Variants in CUX2 observed in about 807,000 individuals in gnomAD.
CUX2 encodes homeobox protein cut-like 2.
CUX2 carries 40 observed loss-of-function variants against 144.8 expected under a neutral mutation model. The observed-to-expected ratio is 0.28, with a 90% CI of 0.21 to 0.36. The LOEUF is 0.36. Among genes scored for constraint, CUX2 ranks in the 10% least tolerant of loss-of-function variants. CUX2 has a pLI of 1.00. For missense variants in CUX2, 1,615 were observed against 1,994.0 expected (o/e 0.81, Z 3.62); for synonymous variants, 827 against 875.6 (o/e 0.94, Z 0.98).
At position 111,070,403 on chromosome 12, in the gene CUX2, TC is replaced by T. The variant is rs1235985042; in HGVS notation, c.63+36165del. 7.8e-4 allele frequency among the ~76,000 whole-genome samples: 4 copies of T among 5,146 alleles called. No individual in the cohort carries two copies. The East Asian group carries it at 0.034, about 44-fold the overall frequency. 3.4% of individuals were successfully genotyped at this position (5,146 alleles called of 152,430 possible). ...TTCCTTCCTTCCTTCTTTCCTTCCT[TC>T]CTTCCTTCCTTCCTTCCTTCCTTCC... On this transcript the variant is annotated intron_variant, in intron 1 of 21. Coordinates refer to ENST00000261726, the MANE Select transcript of CUX2 (RefSeq NM_015267.4).
chr12:111,199,958 G>C (rs553653814), intron 1 of CUX2, among the ~76,000 whole-genome samples: 1 of 152,128 alleles, frequency 6.6e-6, no homozygotes, highest in Non-Finnish European at 1.5e-5. Flanking sequence ...CTCTGTTTGC[G>C]TGCTGCGTGG....
rs1887456345 is a variant in CUX2, at chr12:111,320,328, C to T, written c.2319C>T (p.Arg773=). 6.3e-7 allele frequency: 1 copy of T among 1,598,086 alleles called. No individual in the cohort carries two copies. Among genetic ancestry groups the T allele is most frequent in the Admixed American group, 1.7e-5 (1 of 59,946 alleles). The change falls in exon 17 of 22, where the codon CGC becomes CGT. Residue 773 remains arginine (R), a synonymous_variant. Transcript: ENST00000261726. The surrounding 1 kb of genome is among the most constrained non-coding windows in gnomAD (Gnocchi z 8.1). ...CCGCCTTCGTGCAGAGCATCATCCG[C>T]AAGGTCAAGTCCGAGATCGGCGACG... ...SPAAFVQSII[R]KVKSEIGDAG...
At chr12:111,271,494 T>G (rs1056927953) in intron 4 of CUX2, among the ~76,000 whole-genome samples, 38 of 152,212 alleles carry the variant, frequency 2.5e-4, no homozygotes, top group Non-Finnish European at 2.9e-4. Context: ...CAATCCCTTG[T>G]ATAGCTGTAT....
At chr12:111,140,448 A>G (rs1200368180) in intron 1 of CUX2, among the ~76,000 whole-genome samples, 29 of 152,160 alleles carry the variant, frequency 1.9e-4, no homozygotes, top group Admixed American at 1.8e-3. Context: ...CCCCCTCTTG[A>G]TCTAGGAATA....
intron 19 of CUX2, among the ~76,000 whole-genome samples, chr12:111,335,615 G>A (rs1565929793): frequency 6.6e-6 from 1 of 151,992 alleles, no homozygotes; most frequent in Non-Finnish European, 1.5e-5. Context: ...GGAGGCTGAG[G>A]AGAATCGTTT....
intron 3 of CUX2, among the ~76,000 whole-genome samples, chr12:111,229,455 C>A (rs528366886): frequency 6.6e-6 from 1 of 152,316 alleles, no homozygotes; most frequent in South Asian, 2.1e-4. Context: ...GGTGAGAAAC[C>A]CATCTTAGGT....
intron 1 of CUX2, among the ~76,000 whole-genome samples, chr12:111,148,898 G>A (rs186311843): frequency 6.6e-6 from 1 of 152,280 alleles, no homozygotes; most frequent in Non-Finnish European, 1.5e-5. Flanking sequence ...TCGGGAGGCT[G>A]AGGGAGGAGG....
At chr12:111,270,906 T>A (rs1269396012) in intron 4 of CUX2, among the ~76,000 whole-genome samples, 1 of 152,148 alleles carries the variant, frequency 6.6e-6, no homozygotes, top group African/African-American at 2.4e-5. Flanking sequence ...TGGTGTTTTG[T>A]GCTGTGTGAC....
At chr12:111,094,970 C>T (rs1872735189) in intron 1 of CUX2, among the ~76,000 whole-genome samples, 1 of 152,194 alleles carries the variant, frequency 6.6e-6, no homozygotes, top group Non-Finnish European at 1.5e-5. Flanking sequence ...TGTCCCCTGG[C>T]CCCCTACCTG....
chr12:111,324,620 C>G (rs1341340729), intron 18 of CUX2, among the ~76,000 whole-genome samples: 4 of 152,018 alleles, frequency 2.6e-5, no homozygotes, highest in Admixed American at 2.0e-4. Context: ...CCTGCCTCAG[C>G]CTCCCGAGTA....
At position 111,348,390 on chromosome 12, in the gene CUX2, C is replaced by T; in HGVS notation, c.*65C>T. 1 of 1,434,926 alleles carries T rather than the reference C, an allele frequency of 7.0e-7. No individual in the cohort carries two copies. The highest frequency in any genetic ancestry group is 1.4e-5 in the African/African-American group (1 of 71,848). 88.9% of individuals were successfully genotyped at this position (1,434,926 alleles called of 1,614,324 possible). A position where few individuals can be genotyped will look rare whatever the true frequency, so the allele number is the denominator to read the frequency against. Reference sequence around the variant, plus strand: ...CCTTCCTTCTCGCACTTACTCTCCTCAACAGGATGGGGTAAGGGAGGGAGG... The same window carrying T: ...CCTTCCTTCTCGCACTTACTCTCCTTAACAGGATGGGGTAAGGGAGGGAGG... On this transcript the variant is annotated 3_prime_UTR_variant, in exon 22 of 22. Transcript: ENST00000261726.
intron 1 of CUX2, among the ~76,000 whole-genome samples, chr12:111,116,666 C>T (rs1428941401): frequency 6.6e-6 from 1 of 152,044 alleles, no homozygotes; most frequent in African/African-American, 2.4e-5. Context: ...GTGGAGGACT[C>T]GACTTTTGGA....
intron 3 of CUX2, among the ~76,000 whole-genome samples, chr12:111,257,721 C>T: frequency 6.9e-6 from 1 of 144,112 alleles, no homozygotes; most frequent in Non-Finnish European, 1.5e-5. Context: ...CCATCTTCCT[C>T]CTCTTCCTCT....
In CUX2 at chr12:111,307,962, A is replaced by G. The variant is rs1886682381; in HGVS notation, c.1110-323A>G. Among the ~76,000 whole-genome samples, 1 of 152,184 alleles carries G rather than the reference A, an allele frequency of 6.6e-6. No individual in the cohort carries two copies. The highest frequency in any genetic ancestry group is 1.5e-5 in the Non-Finnish European group (1 of 68,024). ...AGCCTGGGTGACAGAGTGAGACTCC[A>G]TCTCAAAGAAAAAAAGAAGCTGCCT... On this transcript the variant is annotated intron_variant, in intron 12 of 21. Transcript: ENST00000261726. The surrounding 1 kb of genome is among the most constrained non-coding windows in gnomAD (Gnocchi z 4.1).
intron 1 of CUX2, among the ~76,000 whole-genome samples, chr12:111,205,796 G>A (rs1360836882): frequency 6.6e-6 from 1 of 152,140 alleles, no homozygotes; most frequent in African/African-American, 2.4e-5. Context: ...CCAGGTCAGT[G>A]GTCTGTGAAC....
intron 1 of CUX2, among the ~76,000 whole-genome samples, chr12:111,103,870 G>A (rs1873424831): frequency 6.6e-6 from 1 of 152,134 alleles, no homozygotes; most frequent in African/African-American, 2.4e-5. Flanking sequence ...GCTTTGTTCT[G>A]AGCCAGGATT....
chr12:111,289,650 C>T lies in CUX2; in HGVS notation c.302-1768C>T, dbSNP rs1401654839. ...AGGGCTGGGAGAGGGAACCGAATTC[C>T]AGGCAGAAGGACCTGCACGTTCCTC... On this transcript the variant is annotated intron_variant, in intron 4 of 21. Transcript: ENST00000261726. The surrounding 1 kb of genome is among the most constrained non-coding windows in gnomAD (Gnocchi z 4.1). 2.6e-5 allele frequency among the ~76,000 whole-genome samples: 4 copies of T among 152,042 alleles called. No individual in the cohort carries two copies. The highest frequency in any genetic ancestry group is 9.7e-5 in the African/African-American group (4 of 41,378).
chr12:111,115,150 G>A (rs1466897756), intron 1 of CUX2, among the ~76,000 whole-genome samples: 1 of 151,710 alleles, frequency 6.6e-6, no homozygotes, highest in East Asian at 1.9e-4. Flanking sequence ...GATATTCTGT[G>A]TCCTTTTAAT....
rs201495071 is a variant in CUX2 at position 111,186,782 on chromosome 12, G to GT, written c.64-27404dup. Among the ~76,000 whole-genome samples, 19,364 of 145,918 alleles carry GT rather than the reference G, an allele frequency of 0.13. 2,136 individuals carry two copies. Among genetic ancestry groups the GT allele is most frequent in the African/African-American group, 0.3 (12,147 of 40,016 alleles). ...ATTAAAATCGATATGATGTGTGTAT[G>GT]TTTTTTTTTTTTTTGAGACAGAATT... On this transcript the variant is annotated intron_variant, in intron 1 of 21. Coordinates refer to ENST00000261726, the MANE Select transcript of CUX2 (RefSeq NM_015267.4). This position sits in a 1 kb window ranked among gnomAD's most constrained non-coding sequence, Gnocchi z 4.4.
Sources: allele counts gnomAD v4.1 joint callset (sites outside exome capture counted in the v4.1 genomes callset), GRCh38; gene constraint gnomAD v4.1.1; non-coding constraint Gnocchi (gnomAD v3.1); transcripts MANE v1.5; gene names NCBI Gene and HGNC (gene_info 2026-07-23, HGNC 2026-07-21).